TMEM131: variants seen among roughly 807,000 people sequenced by gnomAD.
TMEM131 encodes 2610524E03Rik.
Under a neutral mutation model 211.6 loss-of-function variants are expected in TMEM131, and 66 were observed. The ratio of observed to expected loss-of-function variants is 0.31; its 90% CI spans 0.26 to 0.38. The LOEUF is 0.38. Ranked by LOEUF, TMEM131 falls within the 10% of genes least tolerant of loss-of-function variation. The probability of loss-of-function intolerance (pLI) is 1.00; values close to 1 mark genes in which losing one functional copy is unlikely to be tolerated. For synonymous variants in TMEM131, 844 were observed against 841.3 expected (o/e 1.00, Z -0.06); for missense variants, 2,036 against 2,299.3 (o/e 0.89, Z 2.34).
chr2:97,900,971 G>A (rs1675828977), intron 3 of TMEM131, among the ~76,000 whole-genome samples: 1 of 152,134 alleles, frequency 6.6e-6, no homozygotes, highest in African/African-American at 2.4e-5. Context: ...GACTGGCCAT[G>A]CAGAGCATTT....
Position 97,844,172 on chromosome 2 carries a change from T to C in TMEM131, c.573A>G (p.Thr191=), listed in dbSNP as rs759964425. 3 of 1,202,558 alleles carry C rather than the reference T, an allele frequency of 2.5e-6. No homozygotes were observed. Among genetic ancestry groups the C allele is most frequent in the Non-Finnish European group, 3.3e-6 (3 of 895,668 alleles). The allele number at this position is 1,202,558 out of a possible 1,614,324, so 74.5% of individuals were successfully genotyped here. ...GNVENTLFIN[T]SNHGVFTYQV... is the part of the protein sequence containing the mutation. ...GGTAAGTAAATACCCCATGATTAGA[T>C]GTATTAATAAATAAAGTATTTTCTA... The change falls in exon 6 of 41, where the codon ACA becomes ACG. Residue 191 remains threonine, a synonymous_variant. Transcript: ENST00000186436.
At chr2:97,771,592 A>G (rs1424454249) in intron 33 of TMEM131, among the ~76,000 whole-genome samples, 1 of 152,256 alleles carries the variant, frequency 6.6e-6, no homozygotes, top group Admixed American at 6.5e-5. Flanking sequence ...TGCTGATGAC[A>G]GTTCTATACA....
intron 5 of TMEM131, among the ~76,000 whole-genome samples, chr2:97,850,337 C>T (rs900746907): frequency 6.6e-6 from 1 of 151,942 alleles, no homozygotes; most frequent in East Asian, 1.9e-4. Flanking sequence ...TTCTGGGCAC[C>T]GCAGGAAGGG....
intron 31 of TMEM131, among the ~76,000 whole-genome samples, chr2:97,791,330 A>C (rs1680489480): frequency 6.6e-6 from 1 of 152,218 alleles, no homozygotes; most frequent in Admixed American, 6.5e-5. Context: ...AATGAGCAGA[A>C]TACTACAACA....
chr2:97,801,000 C>T lies in TMEM131; in HGVS notation c.2718+895G>A, dbSNP rs143349938. The stretch of plus-strand genomic sequence containing the variant: ...TGAATATTACTTTCTTATGTAAGCT[C>T]GCCTTAAAGACAGAGTTATAAAAAC... On this transcript the variant is annotated intron_variant, in intron 25 of 40. Coordinates refer to ENST00000186436, the MANE Select transcript of TMEM131 (RefSeq NM_015348.2). 3.5e-3 allele frequency among the ~76,000 whole-genome samples: 527 copies of T among 152,272 alleles called. 2 individuals are homozygous for T. Among genetic ancestry groups the T allele is most frequent in the African/African-American group, 0.01 (436 of 41,556 alleles).
intron 1 of TMEM131, among the ~76,000 whole-genome samples, 196 bp from the exon 2 acceptor site, chr2:97,927,683 AAAGTAACTTC>A (rs1264732503): frequency 1.3e-5 from 2 of 152,226 alleles, no homozygotes; most frequent in Non-Finnish European, 2.9e-5. Context: ...AACAAATAAT[AAAGTAACTTC>A]AACAACCTAC....
chr2:97,916,856 T>C (rs1676528757), intron 2 of TMEM131, among the ~76,000 whole-genome samples: 1 of 152,216 alleles, frequency 6.6e-6, no homozygotes, highest in Admixed American at 6.5e-5. Context: ...ATAAAATGAA[T>C]ACCATCTCAT....
chr2:97,797,111 C>T (rs1470061902), intron 26 of TMEM131, 125 bp from the exon 27 acceptor site: 2 of 1,103,920 alleles, frequency 1.8e-6, no homozygotes, highest in Non-Finnish European at 2.5e-6. Context: ...AGAATTTATA[C>T]TTTAAGAATT....
chr2:97,965,502 CCAA>C (rs781765105), intron 1 of TMEM131, among the ~76,000 whole-genome samples: 6 of 152,142 alleles, frequency 3.9e-5, no homozygotes, highest in Admixed American at 6.5e-5. Flanking sequence ...GCTGGTTTCT[CCAA>C]CATTTTTAAA....
At chr2:97,802,041 G>C (rs1681060403) in intron 24 of TMEM131, 80 bp from the exon 25 acceptor site, 1 of 939,994 alleles carries the variant, frequency 1.1e-6, no homozygotes, top group African/African-American at 1.7e-5. Flanking sequence ...TCAGGTGTGT[G>C]CTTTATTTTC....
intron 4 of TMEM131, among the ~76,000 whole-genome samples, chr2:97,870,489 G>A (rs770111535): frequency 1.3e-5 from 2 of 152,100 alleles, no homozygotes; most frequent in Non-Finnish European, 2.9e-5. Context: ...CCAAGCTGAA[G>A]CAGGCATACA....
At chr2:97,837,327 A>C (rs550979891) in intron 7 of TMEM131, among the ~76,000 whole-genome samples, 170 bp from the exon 8 acceptor site, 3 of 152,388 alleles carry the variant, frequency 2.0e-5, no homozygotes, top group Admixed American at 6.5e-5. Flanking sequence ...TGTATGTGTA[A>C]GCAATAGTTG....
chr2:97,927,482 C>T lies in TMEM131; in HGVS notation c.193G>A (p.Val65Ile), dbSNP rs149366039. 1.4e-3 allele frequency: 2,132 copies of T among 1,570,456 alleles called. 22 individuals carry two copies. The African/African-American group carries it at 0.018, about 13-fold the overall frequency. The change falls in exon 2 of 41, where the codon GTT (valine) becomes ATT (isoleucine). Residue 65 changes from valine to isoleucine, a missense_variant. Transcript: ENST00000186436. ...AAARAEKEAF[V>I]QSESIIEVLR... ...ACTTCTATTATGCTCTCTGACTGAA[C>T]GAATGCTGTGAAGAAAACAAAACAT... is the stretch of plus-strand genomic sequence containing the variant.
chr2:97,858,821 T>G (rs1000396007), intron 5 of TMEM131, among the ~76,000 whole-genome samples: 2 of 152,114 alleles, frequency 1.3e-5, no homozygotes. Flanking sequence ...CTCAACAACT[T>G]TAATGAGTTT....
In TMEM131 at chr2:97,868,186, G is replaced by C. The variant is rs185082302; in HGVS notation, c.360-8759C>G. Among the ~76,000 whole-genome samples the C allele has an allele frequency of 2.6e-5, 4 of 152,164 alleles. No individual in the cohort carries two copies. The East Asian group carries it at 7.7e-4, about 29-fold the overall frequency. ...ATATCCCCCTTTATTCCCAGTAATA[G>C]TGCTTGTTCTGAAGTTTACTTTGTC... On this transcript the variant is annotated intron_variant, in intron 4 of 40. Coordinates refer to ENST00000186436, the MANE Select transcript of TMEM131 (RefSeq NM_015348.2).
chr2:97,906,527 G>A (rs971865768), intron 3 of TMEM131, among the ~76,000 whole-genome samples: 1 of 152,218 alleles, frequency 6.6e-6, no homozygotes, highest in African/African-American at 2.4e-5. Context: ...GTAATATTAT[G>A]ACTTCCAAGG....
chr2:97,774,599 A>C (rs1354714507), intron 32 of TMEM131, among the ~76,000 whole-genome samples: 2 of 152,216 alleles, frequency 1.3e-5, no homozygotes, highest in Admixed American at 6.5e-5. Flanking sequence ...GGGAATGAAC[A>C]GGGAGCTAAG....
chr2:97,825,616 C>A (rs992702229), intron 11 of TMEM131, among the ~76,000 whole-genome samples: 1 of 152,128 alleles, frequency 6.6e-6, no homozygotes, highest in Non-Finnish European at 1.5e-5. Flanking sequence ...TAAAGCAGGC[C>A]CTACTACAAG....
chr2:97,922,788 G>A (rs894869464), intron 2 of TMEM131, among the ~76,000 whole-genome samples: 2 of 152,136 alleles, frequency 1.3e-5, no homozygotes, highest in African/African-American at 4.8e-5. Flanking sequence ...ACTTTGGAGG[G>A]TAATGGCCTG....
Sources: gnomAD v4.1 joint callset for allele counts (sites outside exome capture counted in the v4.1 genomes callset) on GRCh38, gnomAD v4.1.1 for gene constraint, MANE v1.5 for transcripts, NCBI Gene and HGNC (gene_info 2026-07-23, HGNC 2026-07-21) for gene names.